SPECC1: variants seen among roughly 807,000 people sequenced by gnomAD.
The protein encoded by SPECC1 is cytospin-B.
Under a neutral mutation model 104.1 loss-of-function variants are expected in SPECC1, and 62 were observed. The ratio of observed to expected loss-of-function variants is 0.60; its 90% confidence interval spans 0.49 to 0.74. The LOEUF is 0.74. Ranked by LOEUF, SPECC1 falls within the 30% of genes least tolerant of loss-of-function variation. The pLI, the probability that SPECC1 is intolerant of heterozygous loss-of-function variation, is 0.00. For synonymous variants in SPECC1, 513 were observed against 501.6 expected (o/e 1.02, Z -0.30); for missense variants, 1,306 against 1,310.5 (o/e 1.00, Z 0.05).
chr17:20,234,129 C>T (rs1162595959), intron 7 of SPECC1, among the ~76,000 whole-genome samples: 6 of 152,190 alleles, frequency 3.9e-5, no homozygotes, highest in African/African-American at 1.2e-4. Context: ...TTAGGACTCC[C>T]TATGCTGCAT....
At chr17:20,093,911 T>C (rs1236406776) in intron 1 of SPECC1, among the ~76,000 whole-genome samples, 1 of 151,884 alleles carries the variant, frequency 6.6e-6, no homozygotes, top group African/African-American at 2.4e-5. Flanking sequence ...TTTGTATTTT[T>C]AGTGAGACAG....
At chr17:20,305,964 C>T (rs2041749420) in intron 13 of SPECC1, 59 bp from the exon 14 acceptor site, 2 of 1,485,498 alleles carry the variant, frequency 1.3e-6, no homozygotes, top group Admixed American at 1.7e-5. Context: ...ATATTCTTTC[C>T]TGGCAAAAGC....
intron 1 of SPECC1, among the ~76,000 whole-genome samples, chr17:20,044,284 C>T (rs1597607510): frequency 1.3e-5 from 2 of 152,244 alleles, no homozygotes; most frequent in East Asian, 3.9e-4. Context: ...AGATCTGAGG[C>T]TGTTCTTACG....
At chr17:20,076,196 A>T (rs2046753060) in intron 1 of SPECC1, among the ~76,000 whole-genome samples, 1 of 152,312 alleles carries the variant, frequency 6.6e-6, no homozygotes, top group African/African-American at 2.4e-5. Flanking sequence ...TAGTTTCACA[A>T]TTATTACTAT....
chr17:20,119,041 C>G (rs375037163), intron 3 of SPECC1, among the ~76,000 whole-genome samples: 1 of 152,180 alleles, frequency 6.6e-6, no homozygotes, highest in Non-Finnish European at 1.5e-5. Context: ...AAGGAAATAA[C>G]TACATATCTA....
chr17:20,287,473 A>G (rs2040997000), intron 12 of SPECC1, among the ~76,000 whole-genome samples: 1 of 150,948 alleles, frequency 6.6e-6, no homozygotes, highest in African/African-American at 2.4e-5. Context: ...GCTTTGAATG[A>G]ACTGAGAGCT....
At chr17:20,133,863 T>A (rs2049785712) in intron 3 of SPECC1, among the ~76,000 whole-genome samples, 1 of 152,178 alleles carries the variant, frequency 6.6e-6, no homozygotes, top group Non-Finnish European at 1.5e-5. Flanking sequence ...GTCTCCACTG[T>A]GGGCAGTGGT....
chr17:20,155,022 G>A (rs926645663), intron 3 of SPECC1, among the ~76,000 whole-genome samples: 1 of 152,180 alleles, frequency 6.6e-6, no homozygotes, highest in Non-Finnish European at 1.5e-5. Flanking sequence ...GGACAAATGA[G>A]TCTGGAGTTA....
intron 3 of SPECC1, among the ~76,000 whole-genome samples, chr17:20,193,378 A>G (rs1301671921): frequency 6.6e-6 from 1 of 152,176 alleles, no homozygotes; most frequent in Non-Finnish European, 1.5e-5. Context: ...CCCAGCTCCT[A>G]TTCAAGATGG....
At chr17:20,144,396 G>T (rs1288967534) in intron 3 of SPECC1, among the ~76,000 whole-genome samples, 4 of 151,574 alleles carry the variant, frequency 2.6e-5, no homozygotes, top group African/African-American at 9.7e-5. Context: ...TCCCTGTGTT[G>T]CCCAGGCTGG....
intron 3 of SPECC1, among the ~76,000 whole-genome samples, chr17:20,169,357 C>T (rs1170323889): frequency 6.6e-6 from 1 of 152,148 alleles, no homozygotes; most frequent in African/African-American, 2.4e-5. Context: ...GAGGAATTAT[C>T]ATTATATATT....
rs576112085 is a variant in SPECC1, at chr17:20,105,411, G to A, written c.148-5016G>A. Among the ~76,000 whole-genome samples the A allele has an allele frequency of 1.1e-4, 16 of 152,196 alleles. No homozygotes were observed. The South Asian group carries it at 3.1e-3, about 30-fold the overall frequency. ...GCAGCATCAGTACCTGGGTCATATA[G>A]GTAGGAAGAAGGAGCGCTGCTCCCT... On this transcript the variant is annotated intron_variant, in intron 2 of 14. Coordinates refer to ENST00000395527, the MANE Select transcript of SPECC1 (RefSeq NM_001243439.2).
chr17:20,114,245 G>T (rs1028363538), intron 3 of SPECC1, among the ~76,000 whole-genome samples: 3 of 152,132 alleles, frequency 2.0e-5, no homozygotes, highest in African/African-American at 7.2e-5. Flanking sequence ...AGGCTGGAGT[G>T]CAGTGGCGCA....
chr17:20,017,910 A>C (rs1010276661), intron 1 of SPECC1: 1 of 151,670 alleles, frequency 6.6e-6, no homozygotes, highest in African/African-American at 2.4e-5. Flanking sequence ...CTGTTTCATC[A>C]TACTGAATAA....
intron 2 of SPECC1, among the ~76,000 whole-genome samples, chr17:20,101,448 T>C (rs1213418942): frequency 6.6e-6 from 1 of 152,230 alleles, no homozygotes; most frequent in African/African-American, 2.4e-5. Flanking sequence ...GTTTGTTGGC[T>C]GCATAAATGT....
At position 20,158,753 on chromosome 17, in the gene SPECC1, G is replaced by T. The variant is rs2032847572; in HGVS notation, c.284-45580G>T. ...TCCTTGCAGATGAATGGCAAGTTCG[G>T]TTTTTTTTGTTCTGTTTTGTTTTTT... On this transcript the variant is annotated intron_variant, in intron 3 of 14. Coordinates refer to ENST00000395527, the MANE Select transcript of SPECC1 (RefSeq NM_001243439.2). Among the ~76,000 whole-genome samples, 3 of 151,856 alleles carry T rather than the reference G, an allele frequency of 2.0e-5. No individual in the cohort carries two copies. The South Asian group carries it at 6.2e-4, about 32-fold the overall frequency.
chr17:20,050,468 A>G (rs2045698902), intron 1 of SPECC1, among the ~76,000 whole-genome samples: 1 of 152,246 alleles, frequency 6.6e-6, no homozygotes, highest in Non-Finnish European at 1.5e-5. Flanking sequence ...TAGGCTTAAA[A>G]TATTTTTTAA....
rs1384024552 is a variant in SPECC1 at position 20,316,269 on chromosome 17, G to A, written c.*2204G>A. 8 of 231,668 alleles carry A rather than the reference G, an allele frequency of 3.5e-5. No individual in the cohort carries two copies. The highest frequency in any genetic ancestry group is 6.8e-5 in the Non-Finnish European group (8 of 117,128). The allele number at this position is 231,668 out of a possible 1,614,324, so 14.4% of individuals were successfully genotyped here. ...TTGAGCTGTTGGTTGTTAGATTTAA[G>A]CTGGAATTAGTCCAGGGTTTTATGT... is the stretch of plus-strand genomic sequence containing the variant. On this transcript the variant is annotated 3_prime_UTR_variant, in exon 15 of 15. Coordinates refer to ENST00000395527, the MANE Select transcript of SPECC1 (RefSeq NM_001243439.2).
At chr17:20,189,835 C>T (rs555740670) in intron 3 of SPECC1, among the ~76,000 whole-genome samples, 56 of 151,858 alleles carry the variant, frequency 3.7e-4, no homozygotes, top group Non-Finnish European at 7.5e-4. Flanking sequence ...TGCATTCTTC[C>T]CAAAAAAAGT....
Sources: gnomAD v4.1 joint callset for allele counts (sites outside exome capture counted in the v4.1 genomes callset) on GRCh38, gnomAD v4.1.1 for gene constraint, MANE v1.5 for transcripts, NCBI Gene and HGNC (gene_info 2026-07-23, HGNC 2026-07-21) for gene names.